KCNIP4: variants seen among roughly 807,000 people sequenced by gnomAD.
KCNIP4 encodes the protein potassium voltage-gated channel interacting protein 4.
In KCNIP4, 12 loss-of-function variants were observed where a neutral mutation model predicts 34.0. That is an observed-to-expected ratio of 0.35 (90% CI 0.23 to 0.57). The LOEUF (loss-of-function observed/expected upper bound fraction) is 0.57. KCNIP4 is among the 20% of genes least tolerant of loss of function. The pLI is 0.83. For synonymous variants in KCNIP4, 124 were observed against 102.2 expected, an observed-to-expected ratio of 1.21 and a Z score of -1.29; for missense variants, 238 against 311.7, an observed-to-expected ratio of 0.76 and a Z score of 1.78.
chr4:21,478,094 T>G (rs753255194), intron 1 of KCNIP4, among the ~76,000 whole-genome samples: 2 of 152,164 alleles, frequency 1.3e-5, no homozygotes, highest in Non-Finnish European at 2.9e-5. Flanking sequence ...TTTTGTATAT[T>G]GCATTTTATT....
chr4:21,240,215 G>T (rs1461466699), intron 1 of KCNIP4, among the ~76,000 whole-genome samples: 1 of 121,704 alleles, frequency 8.2e-6, no homozygotes, highest in Non-Finnish European at 1.7e-5. Context: ...CACACACTGG[G>T]GACTGTTGTG....
chr4:20,886,895 T>C lies in KCNIP4; in HGVS notation c.62-4186A>G, dbSNP rs182262958. On this transcript the variant is annotated intron_variant, in intron 1 of 8. Coordinates refer to ENST00000382152, the MANE Select transcript of KCNIP4 (RefSeq NM_025221.6). ...TATCCTAATAACATCTTTTGTACTA[T>C]AAAAAAATTACTAGACATGTGAGAA... Among the ~76,000 whole-genome samples, 27 of 152,122 alleles carry C rather than the reference T, an allele frequency of 1.8e-4. 1 individual carries two copies. The highest frequency in any genetic ancestry group is 1.4e-3 in the Admixed American group (22 of 15,268).
intron 1 of KCNIP4, among the ~76,000 whole-genome samples, chr4:21,407,402 T>C (rs922518439): frequency 6.6e-6 from 1 of 152,172 alleles, no homozygotes; most frequent in Non-Finnish European, 1.5e-5. Flanking sequence ...ATTTATTAAA[T>C]ATTGCTAGTC....
chr4:21,937,105 T>G (rs1249834237), intron 1 of KCNIP4, among the ~76,000 whole-genome samples: 1 of 152,102 alleles, frequency 6.6e-6, no homozygotes, highest in East Asian at 1.9e-4. Context: ...TTCCTAATAC[T>G]CATCACAATG....
At chr4:21,838,025 T>C (rs1021903132) in intron 1 of KCNIP4, among the ~76,000 whole-genome samples, 1 of 152,166 alleles carries the variant, frequency 6.6e-6, no homozygotes, top group African/African-American at 2.4e-5. Flanking sequence ...AATAATTTAT[T>C]ACTCACTTAA....
intron 1 of KCNIP4, among the ~76,000 whole-genome samples, chr4:21,207,843 C>CTTTTTTTTT (rs531286039): frequency 3.5e-5 from 4 of 115,124 alleles, no homozygotes; most frequent in African/African-American, 9.6e-5. Flanking sequence ...TTTTCTTTTT[C>CTTTTTTTTT]TTTTTTTTTT....
At chr4:20,874,355 T>C (rs2149513836) in intron 2 of KCNIP4, among the ~76,000 whole-genome samples, 1 of 152,278 alleles carries the variant, frequency 6.6e-6, no homozygotes, top group East Asian at 1.9e-4. Flanking sequence ...TTTACTTGTA[T>C]TCGTTGTGTC....
chr4:21,126,024 G>A (rs886201876), intron 1 of KCNIP4, among the ~76,000 whole-genome samples: 5 of 151,978 alleles, frequency 3.3e-5, no homozygotes, highest in African/African-American at 1.2e-4. Flanking sequence ...TATTAGCAGT[G>A]AACATGGGGC....
chr4:20,929,383 AC>A (rs1376891541), intron 1 of KCNIP4, among the ~76,000 whole-genome samples: 2 of 152,014 alleles, frequency 1.3e-5, no homozygotes, highest in Admixed American at 6.6e-5. Flanking sequence ...AAATTTCTCA[AC>A]ATAATATAAT....
intron 1 of KCNIP4, among the ~76,000 whole-genome samples, chr4:21,223,531 C>G (rs542652916): frequency 1.3e-5 from 2 of 152,312 alleles, no homozygotes; most frequent in African/African-American, 4.8e-5. Context: ...GCATCAGTTT[C>G]CTCATCTGTA....
At chr4:21,113,959 T>A (rs770744335) in intron 1 of KCNIP4, among the ~76,000 whole-genome samples, 31 of 152,166 alleles carry the variant, frequency 2.0e-4, no homozygotes, top group Non-Finnish European at 2.4e-4. Context: ...AAAGCTAGAA[T>A]TGAGATTTCT....
chr4:20,746,734 C>T (rs555473320), intron 5 of KCNIP4, among the ~76,000 whole-genome samples: 41 of 152,230 alleles, frequency 2.7e-4, no homozygotes, highest in Middle Eastern at 6.8e-3. Flanking sequence ...GGTCTCAGAG[C>T]CGCTGGGTGG....
At chr4:20,843,469 C>T (rs376037497) in intron 3 of KCNIP4, among the ~76,000 whole-genome samples, 1 of 152,144 alleles carries the variant, frequency 6.6e-6, no homozygotes, top group Non-Finnish European at 1.5e-5. Context: ...GTGGCTCATG[C>T]TTGTAATCCC....
intron 1 of KCNIP4, among the ~76,000 whole-genome samples, chr4:21,777,794 TCTTTA>T (rs1265115497): frequency 2.0e-5 from 3 of 152,232 alleles, no homozygotes; most frequent in African/African-American, 4.8e-5. Flanking sequence ...ACACATCAGT[TCTTTA>T]CTTCTTGAAT....
intron 4 of KCNIP4, 47 bp downstream of exon 4, chr4:20,758,774 T>A: frequency 6.9e-7 from 1 of 1,439,958 alleles, no homozygotes; most frequent in Non-Finnish European, 9.7e-7. Context: ...ACTGCAAGCA[T>A]AATTGTAACT....
intron 1 of KCNIP4, among the ~76,000 whole-genome samples, chr4:21,034,892 T>A (rs756698039): frequency 2.6e-5 from 4 of 152,230 alleles, no homozygotes; most frequent in Non-Finnish European, 5.9e-5. Flanking sequence ...CGTACATTGC[T>A]GGACAGCTGT....
chr4:21,337,689 G>T (rs190781062), intron 1 of KCNIP4, among the ~76,000 whole-genome samples: 30 of 152,190 alleles, frequency 2.0e-4, no homozygotes, highest in African/African-American at 6.5e-4. Flanking sequence ...TGCTAGAATG[G>T]CTGAGAATTT....
chr4:21,370,952 G>A lies in KCNIP4; in HGVS notation c.62-488243C>T, dbSNP rs560281236. ...CTAGCAATGCAAGAGAGGAAAAGGA[G>A]AATTCTAGAGCCAAATCTTTGAGCA... On this transcript the variant is annotated intron_variant, in intron 1 of 8. Coordinates refer to ENST00000382152, the MANE Select transcript of KCNIP4 (RefSeq NM_025221.6). 1.5e-5 allele frequency among the ~76,000 whole-genome samples: 2 copies of A among 131,842 alleles called. 1 individual carries two copies. The highest frequency in any genetic ancestry group is 4.8e-4 in the South Asian group (2 of 4,142). 86.5% of individuals were successfully genotyped at this position (131,842 alleles called of 152,430 possible). A position where few individuals can be genotyped will look rare whatever the true frequency, so the allele number is the denominator to read the frequency against.
chr4:20,900,397 T>C (rs1727037678), intron 1 of KCNIP4, among the ~76,000 whole-genome samples: 1 of 152,228 alleles, frequency 6.6e-6, no homozygotes, highest in Non-Finnish European at 1.5e-5. Flanking sequence ...CCATAAACTA[T>C]GTTTCATTCA....
Sources: gnomAD v4.1 joint callset for allele counts (sites outside exome capture counted in the v4.1 genomes callset) on GRCh38, gnomAD v4.1.1 for gene constraint, MANE v1.5 for transcripts, NCBI Gene and HGNC (gene_info 2026-07-23, HGNC 2026-07-21) for gene names.